Variants in MAN2A1 observed in about 807,000 individuals in gnomAD.
MAN2A1 encodes the protein alpha-mannosidase 2.
Under a neutral mutation model 142.6 loss-of-function variants are expected in MAN2A1, and 76 were observed. The ratio of observed to expected loss-of-function variants is 0.53; its 90% CI spans 0.44 to 0.65. MAN2A1 has a LOEUF of 0.65. Among genes scored for constraint, MAN2A1 ranks in the 30% least tolerant of loss-of-function variants. The pLI, the probability that MAN2A1 is intolerant of heterozygous loss-of-function variation, is 0.00. For synonymous variants in MAN2A1, 559 were observed against 473.2 expected (o/e 1.18, Z -2.35); for missense variants, 1,311 against 1,365.1 (o/e 0.96, Z 0.62).
rs182257816 is a variant in MAN2A1 at position 109,841,046 on chromosome 5, C to T, written c.2567-1282C>T. Among the ~76,000 whole-genome samples the T allele has an allele frequency of 3.9e-5, 6 of 152,272 alleles. No individual in the cohort carries two copies. The East Asian group carries it at 9.7e-4, about 25-fold the overall frequency. ...TTTTTCCTTTCTGAACCTCAGAAAG[C>T]GTCAGCTTTATTGAATAGAATGATG... On this transcript the variant is annotated intron_variant, in intron 16 of 21. Transcript: ENST00000261483.
intron 4 of MAN2A1, among the ~76,000 whole-genome samples, chr5:109,744,528 C>G (rs1057196030): frequency 6.6e-6 from 1 of 152,004 alleles, no homozygotes; most frequent in African/African-American, 2.4e-5. Flanking sequence ...CTGGGTAAAT[C>G]TTGGCCATCA....
chr5:109,866,742 A>T (rs1368600606), intron 21 of MAN2A1, 104 bp from the exon 22 acceptor site: 20 of 671,192 alleles, frequency 3.0e-5, no homozygotes, highest in Non-Finnish European at 4.2e-5. Context: ...GAACTTCAAC[A>T]TACTGTTTTA....
At position 109,801,480 on chromosome 5, in the gene MAN2A1, G is replaced by A. The variant is rs564516229; in HGVS notation, c.1943+11953G>A. On this transcript the variant is annotated intron_variant, in intron 12 of 21. Transcript: ENST00000261483. ...TTTTTTTGTTGTTCATTTTGATTTTGTTTTTTAAGCTATGACTGTTGCCAT... is the reference window on the plus strand; with the variant it reads ...TTTTTTTGTTGTTCATTTTGATTTTATTTTTTAAGCTATGACTGTTGCCAT... Among the ~76,000 whole-genome samples, 137 of 152,198 alleles carry A rather than the reference G, an allele frequency of 9.0e-4. 1 individual carries two copies. The highest frequency in any genetic ancestry group is 3.2e-3 in the African/African-American group (134 of 41,528).
chr5:109,817,223 A>G (rs747293926), intron 12 of MAN2A1, 50 bp from the exon 13 acceptor site: 4 of 1,517,438 alleles, frequency 2.6e-6, no homozygotes, highest in East Asian at 4.5e-5. Context: ...TGTATATGTA[A>G]GAAGTAAAAA....
At chr5:109,757,147 G>A (rs1442046393) in intron 5 of MAN2A1, among the ~76,000 whole-genome samples, 1 of 152,014 alleles carries the variant, frequency 6.6e-6, no homozygotes, top group Non-Finnish European at 1.5e-5. Context: ...ATAGGTGTGA[G>A]TACGACAATA....
chr5:109,865,131 T>C lies in MAN2A1; in HGVS notation c.3267T>C (p.Ser1089=), dbSNP rs916022133. The C allele has an allele frequency of 1.2e-6, 2 of 1,613,080 alleles. No individual in the cohort carries two copies. Among genetic ancestry groups the C allele is most frequent in the Non-Finnish European group, 8.5e-7 (1 of 1,179,176 alleles). Reference sequence around the variant, plus strand: ...GCAAAGGCACAGGGCTGTTTTGTTCTACTACTCAGGGAAAGGTAAGTTGAA... The same window carrying C: ...GCAAAGGCACAGGGCTGTTTTGTTCCACTACTCAGGGAAAGGTAAGTTGAA... ...FSSKGTGLFC[S]TTQGKILVQK... The change falls in exon 21 of 22, where the codon TCT becomes TCC. Residue 1089 remains serine (S), a synonymous_variant. Coordinates refer to ENST00000261483, the MANE Select transcript of MAN2A1 (RefSeq NM_002372.4).
chr5:109,762,310 A>G (rs1449873776), intron 5 of MAN2A1, among the ~76,000 whole-genome samples: 2 of 152,194 alleles, frequency 1.3e-5, no homozygotes, highest in African/African-American at 4.8e-5. Flanking sequence ...TTTTTAAGCT[A>G]AAAGGTATTT....
chr5:109,692,037 T>A (rs953120991), intron 1 of MAN2A1, among the ~76,000 whole-genome samples: 1 of 152,246 alleles, frequency 6.6e-6, no homozygotes, highest in Non-Finnish European at 1.5e-5. Context: ...ATATTTTTAC[T>A]TAAAGTGTTT....
intron 12 of MAN2A1, among the ~76,000 whole-genome samples, chr5:109,806,339 G>A (rs1175194472): frequency 2.6e-5 from 4 of 152,130 alleles, no homozygotes; most frequent in South Asian, 2.1e-4. Context: ...ACCATTCTAT[G>A]CTTCTGTAAA....
chr5:109,732,190 C>T (rs1292188636), intron 4 of MAN2A1, among the ~76,000 whole-genome samples: 3 of 150,186 alleles, frequency 2.0e-5, no homozygotes, highest in Non-Finnish European at 4.5e-5. Flanking sequence ...ATGTCCTTTG[C>T]CCACTTTTTG....
At chr5:109,735,878 GTT>G (rs35796131) in intron 4 of MAN2A1, among the ~76,000 whole-genome samples, 1 of 98,404 alleles carries the variant, frequency 1.0e-5, no homozygotes, top group Admixed American at 1.2e-4. Context: ...TTCCATTGGA[GTT>G]TTTTTTTTTT....
At chr5:109,762,669 C>T (rs1752883850) in intron 5 of MAN2A1, among the ~76,000 whole-genome samples, 3 of 152,170 alleles carry the variant, frequency 2.0e-5, no homozygotes. Flanking sequence ...AAGATCAGTG[C>T]TGGCCTTCGA....
At chr5:109,691,125 T>C (rs910007476) in intron 1 of MAN2A1, among the ~76,000 whole-genome samples, 1 of 152,150 alleles carries the variant, frequency 6.6e-6, no homozygotes, top group African/African-American at 2.4e-5. Context: ...ATTCTTCAGC[T>C]ATTACATCTG....
At chr5:109,822,197 A>C (rs947787139) in intron 15 of MAN2A1, among the ~76,000 whole-genome samples, 11 of 149,278 alleles carry the variant, frequency 7.4e-5, no homozygotes, top group African/African-American at 2.5e-4. Context: ...AAGTCAGTGA[A>C]GAATTAAAGA....
intron 12 of MAN2A1, among the ~76,000 whole-genome samples, chr5:109,816,169 T>C (rs763415187): frequency 6.6e-6 from 1 of 152,198 alleles, no homozygotes; most frequent in Non-Finnish European, 1.5e-5. Flanking sequence ...CTGAGAATTA[T>C]TTGAACATCA....
chr5:109,771,303 TTAAA>T (rs1753138633), intron 7 of MAN2A1, among the ~76,000 whole-genome samples: 1 of 152,124 alleles, frequency 6.6e-6, no homozygotes, highest in Non-Finnish European at 1.5e-5. Context: ...ATTAAATAAA[TTAAA>T]TAAATTTATT....
intron 3 of MAN2A1, among the ~76,000 whole-genome samples, chr5:109,723,834 C>T (rs886986826): frequency 6.6e-6 from 1 of 152,198 alleles, no homozygotes; most frequent in African/African-American, 2.4e-5. Context: ...CTTTTTCTCT[C>T]TCCAGATGAT....
intron 16 of MAN2A1, among the ~76,000 whole-genome samples, chr5:109,824,550 T>G (rs3797680): frequency 0.17 from 26,247 of 152,138 alleles, 3,227 homozygotes; most frequent in East Asian, 0.64. Flanking sequence ...ACCAGGGTAT[T>G]TACCATATTA....
chr5:109,769,398 G>A (rs989751826), intron 6 of MAN2A1, among the ~76,000 whole-genome samples: 1 of 152,280 alleles, frequency 6.6e-6, no homozygotes, highest in East Asian at 1.9e-4. Context: ...TAATGAAGCA[G>A]TTATTTTCAC....
Sources: gnomAD v4.1 joint callset for allele counts (sites outside exome capture counted in the v4.1 genomes callset) on GRCh38, gnomAD v4.1.1 for gene constraint, MANE v1.5 for transcripts, NCBI Gene and HGNC (gene_info 2026-07-23, HGNC 2026-07-21) for gene names.